PTPRN2: variants seen among roughly 807,000 people sequenced by gnomAD.
PTPRN2 encodes the protein receptor-type tyrosine-protein phosphatase N2.
PTPRN2 carries 74 observed loss-of-function variants against 118.8 expected under a neutral mutation model. The ratio of observed to expected loss-of-function variants is 0.62; its 90% CI spans 0.52 to 0.76. PTPRN2 has a LOEUF of 0.76. Among genes scored for constraint, PTPRN2 ranks in the 30% least tolerant of loss-of-function variants. The pLI is 0.00. For synonymous variants in PTPRN2, 641 were observed against 608.0 expected (o/e 1.05, Z -0.80); for missense variants, 1,481 against 1,394.4 (o/e 1.06, Z -0.99).
chr7:158,430,010 CA>C (rs1816039653), intron 2 of PTPRN2, among the ~76,000 whole-genome samples: 1 of 152,140 alleles, frequency 6.6e-6, no homozygotes, highest in Non-Finnish European at 1.5e-5. Context: ...TGGGTTTAAG[CA>C]ATTCTCCTTC....
chr7:158,170,720 G>A (rs1823464589), intron 5 of PTPRN2, among the ~76,000 whole-genome samples: 1 of 152,174 alleles, frequency 6.6e-6, no homozygotes, highest in Non-Finnish European at 1.5e-5. Context: ...GGGAACATGG[G>A]CAGTAAAGAA....
intron 11 of PTPRN2, among the ~76,000 whole-genome samples, chr7:158,072,030 T>G (rs1183461439): frequency 7.0e-6 from 1 of 143,470 alleles, no homozygotes; most frequent in Non-Finnish European, 1.5e-5. Context: ...GTGCTCATGG[T>G]GGAGGTGCTC....
intron 9 of PTPRN2, among the ~76,000 whole-genome samples, chr7:158,126,663 C>T (rs1012338608): frequency 1.1e-4 from 17 of 148,188 alleles, no homozygotes; most frequent in African/African-American, 4.3e-4. Flanking sequence ...CACACCAGCC[C>T]CCAGGACAGC....
chr7:158,550,476 C>A (rs892504311), intron 1 of PTPRN2, among the ~76,000 whole-genome samples: 1 of 152,238 alleles, frequency 6.6e-6, no homozygotes, highest in Non-Finnish European at 1.5e-5. Context: ...GGGCTGAGGT[C>A]TGGGCAGGGA....
At chr7:157,823,840 A>G (rs1035330731) in intron 12 of PTPRN2, among the ~76,000 whole-genome samples, 8 of 152,188 alleles carry the variant, frequency 5.3e-5, no homozygotes, top group Non-Finnish European at 2.9e-5. Flanking sequence ...TTTTGCTCAA[A>G]TAATTCAGAT....
intron 5 of PTPRN2, among the ~76,000 whole-genome samples, chr7:158,170,902 G>A (rs1823484021): frequency 6.6e-6 from 1 of 151,698 alleles, no homozygotes; most frequent in Non-Finnish European, 1.5e-5. Flanking sequence ...ATAGTATCTG[G>A]CACGGAAGTG....
chr7:157,983,443 AGAGTGCG>A (rs1803468911), intron 11 of PTPRN2, among the ~76,000 whole-genome samples: 2 of 152,022 alleles, frequency 1.3e-5, no homozygotes, highest in African/African-American at 4.8e-5. Flanking sequence ...AGGGGAATGC[AGAGTGCG>A]GGGTCTCCCC....
chr7:158,071,097 A>G (rs1227124172), intron 11 of PTPRN2, among the ~76,000 whole-genome samples: 1 of 65,788 alleles, frequency 1.5e-5, no homozygotes, highest in Non-Finnish European at 2.8e-5. Flanking sequence ...GTGGTGGTGG[A>G]GGTGCTCGTG....
intron 12 of PTPRN2, among the ~76,000 whole-genome samples, chr7:157,724,520 C>T (rs1356509497): frequency 1.3e-5 from 2 of 152,198 alleles, no homozygotes; most frequent in African/African-American, 2.4e-5. Flanking sequence ...CATGGGGTTA[C>T]ATCCCAATGA....
At chr7:158,146,537 T>A (rs555618617) in intron 6 of PTPRN2, among the ~76,000 whole-genome samples, 5 of 151,852 alleles carry the variant, frequency 3.3e-5, no homozygotes, top group Non-Finnish European at 5.9e-5. Flanking sequence ...CTGACTAACA[T>A]GGTGAAACCC....
chr7:158,325,417 G>A (rs181518323), intron 2 of PTPRN2, among the ~76,000 whole-genome samples: 1 of 152,156 alleles, frequency 6.6e-6, no homozygotes, highest in African/African-American at 2.4e-5. Context: ...CAGGACTTGG[G>A]AATTAATGAA....
chr7:158,463,606 T>C lies in PTPRN2; in HGVS notation c.163+26129A>G, dbSNP rs149808892. 3.2e-3 allele frequency among the ~76,000 whole-genome samples: 483 copies of C among 148,758 alleles called. 3 individuals are homozygous for C. The highest frequency in any genetic ancestry group is 0.011 in the African/African-American group (459 of 40,318). ...AATATCACCGTCACCATCATCATTG[T>C]TATCACCATCATTGTTATCATCAAC... On this transcript the variant is annotated intron_variant, in intron 2 of 22. Coordinates refer to ENST00000389418, the MANE Select transcript of PTPRN2 (RefSeq NM_002847.5).
rs1383215134 is a variant in PTPRN2 at position 158,464,109 on chromosome 7, T to C, written c.163+25626A>G. ...ATCCTTACCATCGCCATCATTGCCA[T>C]GCCATTTAGTAAATAATCCTTCATC... On this transcript the variant is annotated intron_variant, in intron 2 of 22. Coordinates refer to ENST00000389418, the MANE Select transcript of PTPRN2 (RefSeq NM_002847.5). Among the ~76,000 whole-genome samples, 7 of 80,934 alleles carry C rather than the reference T, an allele frequency of 8.6e-5. No homozygotes were observed. In the Admixed American group the frequency reaches 9.4e-4, roughly 11 times the overall value. The allele number at this position is 80,934 out of a possible 152,430, so 53.1% of individuals were successfully genotyped here.
chr7:158,375,681 C>G (rs578081104), intron 2 of PTPRN2, among the ~76,000 whole-genome samples: 1 of 152,338 alleles, frequency 6.6e-6, no homozygotes, highest in South Asian at 2.1e-4. Context: ...GCCTGCCTAT[C>G]CTGTACCCAT....
intron 6 of PTPRN2, among the ~76,000 whole-genome samples, chr7:158,163,654 G>T (rs527774573): frequency 6.8e-6 from 1 of 147,390 alleles, no homozygotes; most frequent in African/African-American, 2.5e-5. Context: ...GGTGACGCCC[G>T]TATGAAGTTC....
rs183488561 is a variant in PTPRN2, at chr7:158,587,744, G to A, written c.-75C>T. 9.2e-6 allele frequency: 10 copies of A among 1,087,582 alleles called. No individual in the cohort carries two copies. Among genetic ancestry groups the A allele is most frequent in the African/African-American group, 1.7e-5 (1 of 58,904 alleles). The allele number at this position is 1,087,582 out of a possible 1,614,324, so 67.4% of individuals were successfully genotyped here. ...CGGGAGGCGGCCGAGTCCGGGCCCA[G>A]GGAGGCGCGCGCCGCCGGCTCCTCC... On this transcript the variant is annotated 5_prime_UTR_variant, in exon 1 of 23. Coordinates refer to ENST00000389418, the MANE Select transcript of PTPRN2 (RefSeq NM_002847.5).
At position 158,546,076 on chromosome 7, in the gene PTPRN2, CA is replaced by C. The variant is rs903224497; in HGVS notation, c.112+41481del. 1.3e-5 allele frequency among the ~76,000 whole-genome samples: 2 copies of C among 152,080 alleles called. No homozygotes were observed. Among genetic ancestry groups the C allele is most frequent in the African/African-American group, 2.4e-5 (1 of 41,416 alleles). On this transcript the variant is annotated intron_variant, in intron 1 of 22. Transcript: ENST00000389418. The surrounding 1 kb of genome is among the most constrained non-coding windows in gnomAD (Gnocchi z 5.0). ...TTTACCTCCAGCAAGGGCTGGAGACCAAAAAAACTGGGCCAACGGCCCACAA... is the reference window on the plus strand; with the variant it reads ...TTTACCTCCAGCAAGGGCTGGAGACCAAAAAACTGGGCCAACGGCCCACAA...
intron 11 of PTPRN2, among the ~76,000 whole-genome samples, chr7:158,047,315 T>C (rs181944928): frequency 6.6e-6 from 1 of 152,362 alleles, no homozygotes; most frequent in Admixed American, 6.5e-5. Flanking sequence ...CTCAGTTCCC[T>C]TTCTCTCAAG....
chr7:157,747,097 T>C (rs1394974804), intron 12 of PTPRN2, among the ~76,000 whole-genome samples: 1 of 139,232 alleles, frequency 7.2e-6, no homozygotes, highest in Admixed American at 7.1e-5. Context: ...CTCTGAGCTG[T>C]GGGCTGTTGA....
Sources: allele counts gnomAD v4.1 joint callset (sites outside exome capture counted in the v4.1 genomes callset), GRCh38; gene constraint gnomAD v4.1.1; non-coding constraint Gnocchi (gnomAD v3.1); transcripts MANE v1.5; gene names NCBI Gene and HGNC (gene_info 2026-07-23, HGNC 2026-07-21).